NBAS: variants seen among roughly 807,000 people sequenced by gnomAD.
The protein encoded by NBAS is NAG/BC035112 fusion.
NBAS carries 219 observed loss-of-function variants against 302.5 expected under a neutral mutation model. The ratio of observed to expected loss-of-function variants is 0.72; its 90% CI spans 0.65 to 0.81. NBAS has a LOEUF of 0.81. NBAS is among the 30% of genes least tolerant of loss of function. NBAS has a pLI of 0.00. For missense variants in NBAS, 2,932 were observed against 2,841.6 expected (o/e 1.03, Z -0.72); for synonymous variants, 1,118 against 1,021.6 (o/e 1.09, Z -1.80).
At position 15,474,203 on chromosome 2, in the gene NBAS, T is replaced by C. The variant is rs1333178928; in HGVS notation, c.1463A>G (p.Tyr488Cys). 1.2e-6 allele frequency: 2 copies of C among 1,614,116 alleles called. No individual in the cohort carries two copies. Among genetic ancestry groups the C allele is most frequent in the East Asian group, 4.5e-5 (2 of 44,870 alleles). Residue 488 changes from tyrosine to cysteine, a missense_variant, in exon 15 of 52, where the codon TAT (tyrosine) becomes TGT (cysteine). Tyr to Cys is a radical substitution (Grantham distance 194). Transcript: ENST00000281513. ...EISAKARYFG[Y>C]IKQGLYLVTE... is the part of the protein sequence containing the mutation. ...CACCAAGTAAAGGCCCTGTTTTATA[T>C]AACCAAAGTAGCGAGCCTTGGCAGA...
the NBAS span, among the ~76,000 whole-genome samples, chr2:15,085,665 C>T: frequency 6.6e-6 from 1 of 152,190 alleles, no homozygotes; most frequent in African/African-American, 2.4e-5. Context: ...ATAATGGATC[C>T]GGGCCTCTGT....
intron 40 of NBAS, among the ~76,000 whole-genome samples, chr2:15,299,852 A>C (rs1245077721): frequency 6.6e-6 from 1 of 152,240 alleles, no homozygotes; most frequent in African/African-American, 2.4e-5. Flanking sequence ...CTATCTCTGG[A>C]TGGATACAAA....
chr2:15,527,774 A>G (rs1662989567), intron 9 of NBAS, among the ~76,000 whole-genome samples: 1 of 152,190 alleles, frequency 6.6e-6, no homozygotes, highest in Non-Finnish European at 1.5e-5. Context: ...AATGTGGTGT[A>G]TTTAAACAGC....
chr2:15,281,105 T>C (rs752818516), intron 42 of NBAS, among the ~76,000 whole-genome samples: 14 of 152,348 alleles, frequency 9.2e-5, no homozygotes, highest in Non-Finnish European at 1.6e-4. Context: ...TTAGAGTCTA[T>C]TTCTCATCAT....
chr2:15,324,424 T>C (rs922609134), intron 38 of NBAS, among the ~76,000 whole-genome samples: 1 of 152,186 alleles, frequency 6.6e-6, no homozygotes, highest in South Asian at 2.1e-4. Flanking sequence ...CCTCTATGAA[T>C]TTTATTCCCT....
the NBAS span, among the ~76,000 whole-genome samples, chr2:15,122,437 G>A: frequency 6.6e-6 from 1 of 152,150 alleles, no homozygotes; most frequent in Non-Finnish European, 1.5e-5. Flanking sequence ...GATCGCATGT[G>A]AACTAATTGA....
chr2:14,866,519 T>A, the NBAS span, among the ~76,000 whole-genome samples: 1 of 152,070 alleles, frequency 6.6e-6, no homozygotes, highest in Non-Finnish European at 1.5e-5. Flanking sequence ...TCTTACTTAG[T>A]TTTTAGATGC....
At chr2:15,267,075 A>G (rs1307609086) in intron 44 of NBAS, among the ~76,000 whole-genome samples, 1 of 152,202 alleles carries the variant, frequency 6.6e-6, no homozygotes, top group African/African-American at 2.4e-5. Flanking sequence ...ATCAAACTAT[A>G]CCCAGAAGCT....
At chr2:15,065,445 G>A in the NBAS span, among the ~76,000 whole-genome samples, 1 of 151,992 alleles carries the variant, frequency 6.6e-6, no homozygotes, top group Non-Finnish European at 1.5e-5. Context: ...CAACTGATAA[G>A]GAAGAAGTAA....
intron 11 of NBAS, among the ~76,000 whole-genome samples, chr2:15,491,806 A>C (rs1265248571): frequency 6.6e-6 from 1 of 152,132 alleles, no homozygotes; most frequent in Non-Finnish European, 1.5e-5. Context: ...TCATTTCCTT[A>C]TGAAAGCTCC....
intron 50 of NBAS, among the ~76,000 whole-genome samples, chr2:15,182,990 A>AT (rs1370236914): frequency 2.6e-5 from 4 of 152,194 alleles, no homozygotes; most frequent in Non-Finnish European, 5.9e-5. Context: ...GACATAAACA[A>AT]TTAGGCACAC....
At chr2:15,486,996 C>T in intron 12 of NBAS, among the ~76,000 whole-genome samples, 1 of 151,548 alleles carries the variant, frequency 6.6e-6, no homozygotes, top group Admixed American at 6.6e-5. Context: ...AGCCTTTACA[C>T]TGGATGTATA....
chr2:15,442,790 A>T (rs1678501713), intron 21 of NBAS, among the ~76,000 whole-genome samples: 1 of 151,800 alleles, frequency 6.6e-6, no homozygotes, highest in African/African-American at 2.4e-5. Context: ...AGAAGAATCA[A>T]ATAGACGCAA....
chr2:14,988,280 C>A, the NBAS span, among the ~76,000 whole-genome samples: 1 of 152,090 alleles, frequency 6.6e-6, no homozygotes, highest in South Asian at 2.1e-4. Flanking sequence ...AAAGAGTACC[C>A]TTAATGGGAG....
the NBAS span, among the ~76,000 whole-genome samples, chr2:15,109,882 G>A: frequency 1.3e-5 from 2 of 151,970 alleles, no homozygotes; most frequent in Non-Finnish European, 1.5e-5. Flanking sequence ...ATGTCTTTCT[G>A]TTAATGTTTA....
chr2:15,177,251 G>C (rs531967829), intron 51 of NBAS, among the ~76,000 whole-genome samples: 1 of 152,290 alleles, frequency 6.6e-6, no homozygotes, highest in Admixed American at 6.5e-5. Flanking sequence ...CACATCTAAC[G>C]TGCAGATCAA....
the NBAS span, among the ~76,000 whole-genome samples, chr2:14,979,676 G>C: frequency 6.6e-6 from 1 of 151,948 alleles, no homozygotes; most frequent in Non-Finnish European, 1.5e-5. Flanking sequence ...ACTATTCAAA[G>C]TCAGACTCTT....
At chr2:15,171,649 G>C (rs1664295967) in intron 51 of NBAS, among the ~76,000 whole-genome samples, 2 of 152,114 alleles carry the variant, frequency 1.3e-5, no homozygotes, top group African/African-American at 4.8e-5. Context: ...AGTGTTACGG[G>C]CTGAACTGTG....
intron 21 of NBAS, among the ~76,000 whole-genome samples, chr2:15,455,266 C>T (rs1053667910): frequency 6.6e-6 from 1 of 152,094 alleles, no homozygotes; most frequent in Non-Finnish European, 1.5e-5. Flanking sequence ...GAGTACTATA[C>T]CATTAATCCC....
Sources: gnomAD v4.1 joint callset for allele counts (sites outside exome capture counted in the v4.1 genomes callset) on GRCh38, gnomAD v4.1.1 for gene constraint, MANE v1.5 for transcripts, NCBI Gene and HGNC (gene_info 2026-07-23, HGNC 2026-07-21) for gene names.